The following AGBL1 variants were observed in gnomAD, a reference collection of about 807,000 sequenced individuals.
The protein encoded by AGBL1 is cytosolic carboxypeptidase 4.
In AGBL1, 130 loss-of-function variants were observed where a neutral mutation model predicts 118.9. The observed-to-expected ratio is 1.09, with a 90% CI of 0.95 to 1.26. AGBL1 has a LOEUF of 1.26. Among genes scored for constraint, AGBL1 ranks in the 50% most tolerant of loss-of-function variants. AGBL1 has a pLI of 0.00. For synonymous variants in AGBL1, 555 were observed against 478.9 expected (o/e 1.16, Z -2.08); for missense variants, 1,584 against 1,298.1 (o/e 1.22, Z -3.38).
rs11345100 is a variant in AGBL1, at chr15:86,302,778, C to CAA, written c.2374+7390_2374+7391dup. On this transcript the variant is annotated intron_variant, in intron 17 of 22. Coordinates refer to ENST00000614907, the MANE Select transcript of AGBL1 (RefSeq NM_001386094.1). ...TGGATGACAGAGTGGGACCCTGTCTCAAAAAAAAAAAAAAAAAAAAAGTAA... is the reference window on the plus strand; with the variant it reads ...TGGATGACAGAGTGGGACCCTGTCTCAAAAAAAAAAAAAAAAAAAAAAAGTAA... 5.9e-3 allele frequency among the ~76,000 whole-genome samples: 561 copies of CAA among 95,768 alleles called. 12 individuals carry two copies. The East Asian group carries it at 0.093, about 16-fold the overall frequency. 62.8% of individuals were successfully genotyped at this position (95,768 alleles called of 152,430 possible).
intron 23 of AGBL1, among the ~76,000 whole-genome samples, chr15:86,975,524 A>G (rs2081167625): frequency 6.6e-6 from 1 of 152,056 alleles, no homozygotes. Context: ...AAGCCATATC[A>G]AAGACAAAGT....
At chr15:86,504,611 T>G (rs2082953513) in intron 18 of AGBL1, among the ~76,000 whole-genome samples, 2 of 151,660 alleles carry the variant, frequency 1.3e-5, no homozygotes, top group African/African-American at 4.8e-5. Context: ...TTTATAATAT[T>G]GATATATAAC....
chr15:86,255,195 G>A (rs1035477642), intron 7 of AGBL1, among the ~76,000 whole-genome samples: 3 of 152,100 alleles, frequency 2.0e-5, no homozygotes, highest in Non-Finnish European at 4.4e-5. Context: ...TATCTGATAA[G>A]CCATCTCTTT....
At chr15:86,597,118 A>C (rs369053943) in intron 21 of AGBL1, among the ~76,000 whole-genome samples, 5 of 145,886 alleles carry the variant, frequency 3.4e-5, no homozygotes, top group African/African-American at 5.3e-5. Context: ...TGATCTGTCT[A>C]TCTAATCTAC....
rs370463489 is a variant in AGBL1, at chr15:86,642,793, G to C, written c.2995-31480G>C. On this transcript the variant is annotated intron_variant, in intron 21 of 22. Transcript: ENST00000614907. Reference sequence around the variant, plus strand: ...TTTATTTTCTTAAGTTTTATAATTAGTGTTGTGCTACCTTTACCAAGAGCA... The same window carrying C: ...TTTATTTTCTTAAGTTTTATAATTACTGTTGTGCTACCTTTACCAAGAGCA... Among the ~76,000 whole-genome samples, 7 of 152,106 alleles carry C rather than the reference G, an allele frequency of 4.6e-5. No individual in the cohort carries two copies. In the South Asian group the frequency reaches 1.5e-3, roughly 32 times the overall value.
At chr15:86,797,012 T>C (rs1321098382) in intron 22 of AGBL1, among the ~76,000 whole-genome samples, 1 of 152,152 alleles carries the variant, frequency 6.6e-6, no homozygotes, top group African/African-American at 2.4e-5. Flanking sequence ...AAACCTGAGT[T>C]CAAATTTTAA....
chr15:86,907,647 A>G lies in AGBL1; in HGVS notation c.*353A>G, dbSNP rs1210499159. 2 of 152,114 alleles carry G rather than the reference A, an allele frequency of 1.3e-5. No homozygotes were observed. The highest frequency in any genetic ancestry group is 6.5e-5 in the Admixed American group (1 of 15,276). The allele number at this position is 152,114 out of a possible 1,614,324, so 9.4% of individuals were successfully genotyped here. A position where few individuals can be genotyped will look rare whatever the true frequency, so the allele number is the denominator to read the frequency against. On this transcript the variant is annotated 3_prime_UTR_variant, in exon 23 of 23. Coordinates refer to ENST00000614907, the MANE Select transcript of AGBL1 (RefSeq NM_001386094.1). ...AACTGGAGCAAGCTGGAAGTAGAGG[A>G]GTTGGGCTTCTTCTTGGCTTCTCAG...
chr15:86,726,125 C>G (rs1408729998), intron 22 of AGBL1, among the ~76,000 whole-genome samples: 3 of 152,196 alleles, frequency 2.0e-5, no homozygotes, highest in African/African-American at 7.2e-5. Flanking sequence ...AATTTTAAGA[C>G]TTTTGAATAT....
chr15:87,026,863 A>C (rs1370908365), intron 24 of AGBL1, among the ~76,000 whole-genome samples: 1 of 152,076 alleles, frequency 6.6e-6, no homozygotes, highest in Non-Finnish European at 1.5e-5. Flanking sequence ...GGGGACTATG[A>C]TTTGAAGTGA....
chr15:86,375,737 T>G (rs1019643724), intron 17 of AGBL1, among the ~76,000 whole-genome samples: 1 of 152,214 alleles, frequency 6.6e-6, no homozygotes, highest in Non-Finnish European at 1.5e-5. Context: ...CCTAAAAATC[T>G]GTACTTTGCA....
At chr15:86,629,070 A>G (rs1421623435) in intron 21 of AGBL1, among the ~76,000 whole-genome samples, 5 of 152,122 alleles carry the variant, frequency 3.3e-5, no homozygotes, top group African/African-American at 1.2e-4. Flanking sequence ...ACCATGCTGT[A>G]CATTAGGTCT....
chr15:86,767,843 A>G (rs1447180313), intron 22 of AGBL1, among the ~76,000 whole-genome samples: 1 of 151,988 alleles, frequency 6.6e-6, no homozygotes, highest in African/African-American at 2.4e-5. Context: ...TCTCTCTGAT[A>G]ATACAAGACA....
chr15:86,260,288 T>A (rs564074732), intron 9 of AGBL1, among the ~76,000 whole-genome samples: 1 of 152,332 alleles, frequency 6.6e-6, no homozygotes, highest in East Asian at 1.9e-4. Flanking sequence ...CCTGTGGCCT[T>A]CCCATTTGAC....
intron 22 of AGBL1, among the ~76,000 whole-genome samples, chr15:86,866,674 T>C (rs2079634615): frequency 6.6e-6 from 1 of 152,120 alleles, no homozygotes; most frequent in Non-Finnish European, 1.5e-5. Flanking sequence ...GCCAACATGG[T>C]AAAACCCCGT....
At chr15:86,837,943 G>T (rs1231257576) in intron 22 of AGBL1, among the ~76,000 whole-genome samples, 1 of 152,064 alleles carries the variant, frequency 6.6e-6, no homozygotes, top group Non-Finnish European at 1.5e-5. Flanking sequence ...TGTTCTCTGT[G>T]CAATCCGGAA....
In AGBL1 at chr15:86,852,205, T is replaced by A. The variant is rs115270768; in HGVS notation, c.3159-54882T>A. ...GTGGAAGGGGAAGCAGGCACCTTCT[T>A]CACAAGGGGCAGGAGAGAAAGAAGT... On this transcript the variant is annotated intron_variant, in intron 22 of 22. Transcript: ENST00000614907. 1.6e-3 allele frequency among the ~76,000 whole-genome samples: 239 copies of A among 152,192 alleles called. 1 individual carries two copies. The highest frequency in any genetic ancestry group is 5.5e-3 in the African/African-American group (229 of 41,528).
intron 23 of AGBL1, among the ~76,000 whole-genome samples, chr15:86,964,805 C>T (rs747022142): frequency 1.3e-4 from 20 of 151,974 alleles, no homozygotes; most frequent in Non-Finnish European, 1.3e-4. Context: ...TGACAGGCCC[C>T]GGTGTGTAAC....
chr15:87,013,595 T>G (rs777833522), intron 24 of AGBL1, among the ~76,000 whole-genome samples: 1 of 152,114 alleles, frequency 6.6e-6, no homozygotes, highest in East Asian at 1.9e-4. Flanking sequence ...GTAGGAAGGG[T>G]TCCAAGACCC....
At chr15:86,450,907 T>G (rs959795638) in intron 18 of AGBL1, among the ~76,000 whole-genome samples, 1 of 152,218 alleles carries the variant, frequency 6.6e-6, no homozygotes, top group Non-Finnish European at 1.5e-5. Flanking sequence ...ATATTCTTAC[T>G]GCACTATCCT....
Sources: allele counts gnomAD v4.1 joint callset (sites outside exome capture counted in the v4.1 genomes callset), GRCh38; gene constraint gnomAD v4.1.1; transcripts MANE v1.5; gene names NCBI Gene and HGNC (gene_info 2026-07-23, HGNC 2026-07-21).